Variants in RYR1 observed in about 807,000 individuals in gnomAD.
RYR1 encodes the protein central core disease of muscle.
In RYR1, 342 loss-of-function variants were observed where a neutral mutation model predicts 583.5. The observed-to-expected ratio is 0.59, with a 90% CI of 0.54 to 0.64. The LOEUF is 0.64. RYR1 is among the 30% of genes least tolerant of loss of function. The pLI, the probability that RYR1 is intolerant of heterozygous loss-of-function variation, is 0.00. For synonymous variants in RYR1, 2,791 were observed against 2,822.5 expected, an observed-to-expected ratio of 0.99 and a Z score of 0.35; for missense variants, 6,032 against 6,917.2, an observed-to-expected ratio of 0.87 and a Z score of 4.54.
chr19:38,499,788 G>T lies in RYR1; in HGVS notation c.7181G>T (p.Gly2394Val). The change falls in exon 44 of 106, where the codon GGC becomes GTC. Residue 2394 changes from glycine to valine, a missense_variant. Physicochemically the swap from Gly to Val is moderately radical, Grantham distance 109 (BLOSUM62 -3). Around this residue, in one of 11 missense-constraint regions of RYR1, gnomAD observed 2,627 missense variants for 2,961.3 expected, o/e 0.89. Coordinates refer to ENST00000359596, the MANE Select transcript of RYR1 (RefSeq NM_000540.3). This position sits in a 1 kb window ranked among gnomAD's most constrained non-coding sequence, Gnocchi z 7.3. ...IRISEDPARDGPGIRRDRRRE... is the reference protein window; with the variant it reads ...IRISEDPARDVPGIRRDRRRE... The stretch of plus-strand genomic sequence containing the variant: ...ATCTCCGAGGACCCTGCGAGGGATG[G>T]CCCAGGCATCCGCAGGGACCGGCGG... The T allele has an allele frequency of 6.2e-7, 1 of 1,604,118 alleles. No individual in the cohort carries two copies. The highest frequency in any genetic ancestry group is 1.3e-5 in the African/African-American group (1 of 74,928).
At chr19:38,443,049 G>T (rs1327452685) in intron 3 of RYR1, among the ~76,000 whole-genome samples, 1 of 152,184 alleles carries the variant, frequency 6.6e-6, no homozygotes, top group Non-Finnish European at 1.5e-5. Context: ...TCAGATGTCT[G>T]CCCCAAGGTC....
chr19:38,446,070 CA>C (rs1972926708), intron 7 of RYR1, among the ~76,000 whole-genome samples: 1 of 152,164 alleles, frequency 6.6e-6, no homozygotes, highest in Non-Finnish European at 1.5e-5. Flanking sequence ...ACCCAACCAT[CA>C]CCCTTCTAAA....
chr19:38,579,805 C>T (rs894872211), intron 99 of RYR1, among the ~76,000 whole-genome samples, 177 bp from the exon 100 acceptor site: 13 of 152,158 alleles, frequency 8.5e-5, no homozygotes, highest in Admixed American at 7.2e-4. Context: ...GGAGGGGGCT[C>T]TCATCTCCCC....
At chr19:38,454,094 T>C (rs761963270) in intron 13 of RYR1, among the ~76,000 whole-genome samples, 1 of 152,194 alleles carries the variant, frequency 6.6e-6, no homozygotes, top group Non-Finnish European at 1.5e-5. Flanking sequence ...TGGAGTGCAG[T>C]GGTGTGATCT....
intron 76 of RYR1, among the ~76,000 whole-genome samples, chr19:38,531,938 A>G (rs1268518533): frequency 6.6e-6 from 1 of 152,092 alleles, no homozygotes; most frequent in Non-Finnish European, 1.5e-5. Flanking sequence ...CAACTCCCAG[A>G]ATGGATTTTA....
At chr19:38,435,284 G>C (rs1198559447) in intron 1 of RYR1, among the ~76,000 whole-genome samples, 1 of 152,064 alleles carries the variant, frequency 6.6e-6, no homozygotes, top group Non-Finnish European at 1.5e-5. Context: ...GGATGCCCCT[G>C]GTGCCCAGCC....
At position 38,502,649 on chromosome 19, in the gene RYR1, T is replaced by G. The variant is rs577314143; in HGVS notation, c.7757T>G (p.Val2586Gly). 1.2e-6 allele frequency: 2 copies of G among 1,612,614 alleles called. No individual in the cohort carries two copies. The highest frequency in any genetic ancestry group is 1.7e-5 in the Admixed American group (1 of 59,964). Reference protein sequence around the residue: ...AIMVDSMLHTVYRLSRGRSLT... With the variant: ...AIMVDSMLHTGYRLSRGRSLT... ...ATGGTGGACTCTATGCTGCATACCG[T>G]GTACCGCCTGTCTCGGGGTCGTTCG... Residue 2586 changes from valine to glycine, a missense_variant, in exon 48 of 106, where the codon GTG (valine) becomes GGG (glycine). Physicochemically the swap from Val to Gly is moderately radical, Grantham distance 109 (BLOSUM62 -3). Coordinates refer to ENST00000359596, the MANE Select transcript of RYR1 (RefSeq NM_000540.3).
chr19:38,437,770 C>T (rs1474125461), intron 1 of RYR1, among the ~76,000 whole-genome samples: 2 of 152,004 alleles, frequency 1.3e-5, no homozygotes, highest in African/African-American at 4.8e-5. Context: ...GAGCTGTGAT[C>T]TCGCCACTGC....
At chr19:38,478,414 G>A (rs1368276209) in intron 30 of RYR1, 21 bp from the exon 31 acceptor site, 7 of 1,611,302 alleles carry the variant, frequency 4.3e-6, no homozygotes, top group African/African-American at 2.7e-5. Context: ...GGAGTGCAGT[G>A]ACCGCTTCTG....
chr19:38,570,189 G>A (rs1599645718), intron 93 of RYR1, among the ~76,000 whole-genome samples: 1 of 151,780 alleles, frequency 6.6e-6, no homozygotes, highest in African/African-American at 2.4e-5. Context: ...TGGACGTGGT[G>A]GCTCAAGCCT....
At chr19:38,494,266 G>C in intron 38 of RYR1, 86 bp from the exon 39 acceptor site, 4 of 1,554,992 alleles carry the variant, frequency 2.6e-6, no homozygotes, top group Non-Finnish European at 8.8e-7. Flanking sequence ...GGAACAGGGG[G>C]CCCCTTCCAC....
chr19:38,502,167 A>T (rs566778940), intron 47 of RYR1, among the ~76,000 whole-genome samples: 1 of 152,250 alleles, frequency 6.6e-6, no homozygotes, highest in African/African-American at 2.4e-5. Context: ...CAGATGAAAA[A>T]GAATGTATTA....
intron 19 of RYR1, among the ~76,000 whole-genome samples, chr19:38,460,162 C>T (rs1341367630): frequency 6.6e-6 from 1 of 152,206 alleles, no homozygotes; most frequent in African/African-American, 2.4e-5. Context: ...CCGCTCTCAA[C>T]TCCCTGGCTC....
chr19:38,526,007 C>A (rs112856366), intron 71 of RYR1, among the ~76,000 whole-genome samples: 1 of 151,954 alleles, frequency 6.6e-6, no homozygotes, highest in Non-Finnish European at 1.5e-5. Context: ...CCTTCAGGAC[C>A]CTGCTGACAC....
chr19:38,462,074 G>C (rs1488298041), intron 20 of RYR1, among the ~76,000 whole-genome samples: 1 of 152,052 alleles, frequency 6.6e-6, no homozygotes, highest in Admixed American at 6.6e-5. Context: ...AAGAAAGAAA[G>C]GACTGTTTTT....
rs2145895986 is a variant in RYR1, at chr19:38,580,293, G to A, written c.14512-77G>A. 3 of 1,597,758 alleles carry A rather than the reference G, an allele frequency of 1.9e-6. No individual in the cohort carries two copies. In the East Asian group the frequency reaches 6.7e-5, roughly 36 times the overall value. ...GGTAGAGCCACAGGGACTGAACCGG[G>A]GCCAGGACCCAGCATGGGCAGGGTG... On this transcript the variant is annotated intron_variant, in intron 100 of 105. Coordinates refer to ENST00000359596, the MANE Select transcript of RYR1 (RefSeq NM_000540.3).
At position 38,523,330 on chromosome 19, in the gene RYR1, G is replaced by C. The variant is rs190842222; in HGVS notation, c.10440+21G>C. 1.7e-3 allele frequency: 2,678 copies of C among 1,614,050 alleles called. 71 individuals are homozygous for C. In the Admixed American group the frequency reaches 0.04, roughly 24 times the overall value. On this transcript the variant is annotated intron_variant, in intron 69 of 105. Coordinates refer to ENST00000359596, the MANE Select transcript of RYR1 (RefSeq NM_000540.3). The stretch of plus-strand genomic sequence containing the variant: ...CTAAGGTCGGGGCTTGGTTCTGGGA[G>C]GAGCACTTGGCAGAGAGGGCGGGAG...
intron 65 of RYR1, among the ~76,000 whole-genome samples, 176 bp from the exon 66 acceptor site, chr19:38,517,183 A>G (rs185763052): frequency 5.3e-5 from 8 of 151,506 alleles, no homozygotes; most frequent in South Asian, 4.2e-4. Flanking sequence ...CTGAGTTTCA[A>G]TGTGAGGGTT....
chr19:38,469,585 A>T, intron 27 of RYR1, 72 bp downstream of exon 27: 7 of 1,456,938 alleles, frequency 4.8e-6, no homozygotes, highest in Non-Finnish European at 6.7e-6. Context: ...CTCTTCTTTG[A>T]GTTTCTCTTT....
Sources: allele counts gnomAD v4.1 joint callset (sites outside exome capture counted in the v4.1 genomes callset), GRCh38; gene constraint gnomAD v4.1.1; regional missense constraint gnomAD v4.1.1; non-coding constraint Gnocchi (gnomAD v3.1); transcripts MANE v1.5; gene names NCBI Gene and HGNC (gene_info 2026-07-23, HGNC 2026-07-21).